KCNQ1: variants seen among roughly 807,000 people sequenced by gnomAD.
The protein encoded by KCNQ1 is potassium voltage-gated channel subfamily KQT member 1.
KCNQ1 carries 49 observed loss-of-function variants against 72.4 expected under a neutral mutation model. That is an observed-to-expected ratio of 0.68 (90% CI 0.54 to 0.86). The LOEUF (loss-of-function observed/expected upper bound fraction) is 0.86, where lower values mean the gene tolerates loss of function less well. Ranked by LOEUF, KCNQ1 falls within the 40% of genes least tolerant of loss-of-function variation. KCNQ1 has a pLI of 0.00. For synonymous variants in KCNQ1, 450 were observed against 412.6 expected (o/e 1.09, Z -1.10); for missense variants, 790 against 945.1 (o/e 0.84, Z 2.15).
Position 2,569,661 on chromosome 11 carries a change from G to A in KCNQ1, c.478-967G>A, listed in dbSNP as rs1034160329. On this transcript the variant is annotated intron_variant, in intron 2 of 15. Transcript: ENST00000155840. ...CCAGCCCCACACACCTTCCCCAAGGGCCTCCCGTACACCCCGGCTGCCTGG... is the reference window on the plus strand; with the variant it reads ...CCAGCCCCACACACCTTCCCCAAGGACCTCCCGTACACCCCGGCTGCCTGG... 3.3e-5 allele frequency among the ~76,000 whole-genome samples: 5 copies of A among 152,224 alleles called. No homozygotes were observed. The East Asian group carries it at 5.8e-4, about 18-fold the overall frequency.
rs1339600793 is a variant in KCNQ1, at chr11:2,785,812, G to T, written c.1794+7775G>T. Among the ~76,000 whole-genome samples the T allele has an allele frequency of 6.6e-6, 1 of 151,796 alleles. No homozygotes were observed. The highest frequency in any genetic ancestry group is 1.9e-4 in the East Asian group (1 of 5,188). On this transcript the variant is annotated intron_variant, in intron 15 of 15. Coordinates refer to ENST00000155840, the MANE Select transcript of KCNQ1 (RefSeq NM_000218.3). The surrounding 1 kb of genome is among the most constrained non-coding windows in gnomAD (Gnocchi z 4.4). ...GTTATGTATTCTACTACCATCCTTG[G>T]AAAGGTTAACCTAGAACATTTTAAA...
In KCNQ1 at chr11:2,674,388, C is replaced by T. The variant is rs1189793955; in HGVS notation, c.1514+12307C>T. 4 of 363,638 alleles carry T rather than the reference C, an allele frequency of 1.1e-5. No homozygotes were observed. Among genetic ancestry groups the T allele is most frequent in the Non-Finnish European group, 1.9e-5 (4 of 205,760 alleles). 22.5% of individuals were successfully genotyped at this position (363,638 alleles called of 1,614,324 possible). A position where few individuals can be genotyped will look rare whatever the true frequency, so the allele number is the denominator to read the frequency against. ...AGCAGCTTCCTGCTTAGGGAAGGTGCATGCGTGCGTGTGTGTGTGCGCGCC... is the reference window on the plus strand; with the variant it reads ...AGCAGCTTCCTGCTTAGGGAAGGTGTATGCGTGCGTGTGTGTGTGCGCGCC... On this transcript the variant is annotated intron_variant, in intron 11 of 15. Transcript: ENST00000155840. The surrounding 1 kb of genome is among the most constrained non-coding windows in gnomAD (Gnocchi z 5.9).
intron 8 of KCNQ1, among the ~76,000 whole-genome samples, chr11:2,586,409 G>A (rs1273510182): frequency 6.6e-6 from 1 of 152,182 alleles, no homozygotes; most frequent in Non-Finnish European, 1.5e-5. Flanking sequence ...CATAAATCAG[G>A]CCCGTAAACC....
rs1210177727 is a variant in KCNQ1 at position 2,599,770 on chromosome 11, A to G, written c.1393+10916A>G. ...ACCCTGGTGTTTCTCTGTGTGTCCA[A>G]ATATCCTTTTCTTTAAGGGCACCAG... On this transcript the variant is annotated intron_variant, in intron 10 of 15. Transcript: ENST00000155840. This position sits in a 1 kb window ranked among gnomAD's most constrained non-coding sequence, Gnocchi z 4.7. Among the ~76,000 whole-genome samples, 3 of 152,182 alleles carry G rather than the reference A, an allele frequency of 2.0e-5. No individual in the cohort carries two copies. Among genetic ancestry groups the G allele is most frequent in the African/African-American group, 7.2e-5 (3 of 41,520 alleles).
At chr11:2,778,215 G>A (rs1014827966) in intron 15 of KCNQ1, among the ~76,000 whole-genome samples, 178 bp downstream of exon 15, 37 of 152,212 alleles carry the variant, frequency 2.4e-4, no homozygotes, top group African/African-American at 8.4e-4. Context: ...CCCACCTGGC[G>A]GGGCATTGGT....
chr11:2,731,114 G>T (rs1201026302), intron 11 of KCNQ1, among the ~76,000 whole-genome samples: 1 of 152,214 alleles, frequency 6.6e-6, no homozygotes, highest in East Asian at 1.9e-4. Context: ...GGGCAGCCAG[G>T]CACCTCTGTT....
rs983887525 is a variant in KCNQ1 at position 2,772,208 on chromosome 11, C to T, written c.1590+3289C>T. Among the ~76,000 whole-genome samples, 4 of 152,056 alleles carry T rather than the reference C, an allele frequency of 2.6e-5. No individual in the cohort carries two copies. The highest frequency in any genetic ancestry group is 4.8e-5 in the African/African-American group (2 of 41,484). ...CTCTCAGGATGCTTCCCTTCCTCGA[C>T]GCCTGCCTGTCTGCTTGCTTGCACC... On this transcript the variant is annotated intron_variant, in intron 12 of 15. Coordinates refer to ENST00000155840, the MANE Select transcript of KCNQ1 (RefSeq NM_000218.3). This position sits in a 1 kb window ranked among gnomAD's most constrained non-coding sequence, Gnocchi z 6.6.
chr11:2,820,692 T>C (rs1280702763), intron 15 of KCNQ1, among the ~76,000 whole-genome samples: 1 of 152,214 alleles, frequency 6.6e-6, no homozygotes, highest in Non-Finnish European at 1.5e-5. Flanking sequence ...TCATTTGTTT[T>C]TCCTGCCCCA....
intron 14 of KCNQ1, 84 bp downstream of exon 14, chr11:2,777,116 T>G (rs2077184554): frequency 7.4e-7 from 1 of 1,360,298 alleles, no homozygotes; most frequent in Non-Finnish European, 1.0e-6. Context: ...CTCCCCATGA[T>G]GTCAGAATGG....
intron 11 of KCNQ1, chr11:2,688,327 A>G: frequency 2.5e-6 from 1 of 398,820 alleles, no homozygotes; most frequent in Non-Finnish European, 4.4e-6. Context: ...TCACACACAC[A>G]GCTTCCATGG....
chr11:2,756,446 A>T (rs1420918981), intron 11 of KCNQ1, among the ~76,000 whole-genome samples: 1 of 138,928 alleles, frequency 7.2e-6, no homozygotes, highest in African/African-American at 2.9e-5. Context: ...AAAATTAAAA[A>T]AAAAAAAAAA....
intron 10 of KCNQ1, chr11:2,633,122 A>G (rs936993781): frequency 2.3e-5 from 9 of 398,394 alleles, no homozygotes; most frequent in African/African-American, 1.9e-4. Context: ...CTGAGGTGAA[A>G]TAATGTCTCA....
chr11:2,728,910 A>G (rs1243733975), intron 11 of KCNQ1, among the ~76,000 whole-genome samples: 1 of 152,260 alleles, frequency 6.6e-6, no homozygotes, highest in African/African-American at 2.4e-5. Flanking sequence ...TGAAGTCCCC[A>G]GAAGTGTTTG....
Position 2,468,304 on chromosome 11 carries a change from G to A in KCNQ1, c.386+22820G>A, listed in dbSNP as rs916207373. On this transcript the variant is annotated intron_variant, in intron 1 of 15. Coordinates refer to ENST00000155840, the MANE Select transcript of KCNQ1 (RefSeq NM_000218.3). The surrounding 1 kb of genome is among the most constrained non-coding windows in gnomAD (Gnocchi z 5.7). ...TGGGACTACAGATGCACACCACCAC[G>A]CCTGGCTAATTTTTGTATTTTTTGT... 7.9e-5 allele frequency among the ~76,000 whole-genome samples: 12 copies of A among 152,050 alleles called. No individual in the cohort carries two copies. In the South Asian group the frequency reaches 1.0e-3, roughly 13 times the overall value.
intron 10 of KCNQ1, among the ~76,000 whole-genome samples, chr11:2,605,434 TTA>T (rs1473477773): frequency 6.6e-6 from 1 of 152,240 alleles, no homozygotes; most frequent in Admixed American, 6.5e-5. Context: ...TGTTACGTAT[TTA>T]TGTCTTTGAT....
chr11:2,678,471 T>C lies in KCNQ1; in HGVS notation c.1514+16390T>C. ...AATTTCAACTGCTACCTTTATCATA[T>C]TTCAAACTCTCATTTAATTTGTGTC... On this transcript the variant is annotated intron_variant, in intron 11 of 15. Transcript: ENST00000155840. This position sits in a 1 kb window ranked among gnomAD's most constrained non-coding sequence, Gnocchi z 4.9. 1.0e-5 allele frequency: 4 copies of C among 398,654 alleles called. No individual in the cohort carries two copies. The East Asian group carries it at 1.1e-4, about 11-fold the overall frequency. The allele number at this position is 398,654 out of a possible 1,614,324, so 24.7% of individuals were successfully genotyped here. A position where few individuals can be genotyped will look rare whatever the true frequency, so the allele number is the denominator to read the frequency against.
At chr11:2,722,646 C>T (rs1381634905) in intron 11 of KCNQ1, among the ~76,000 whole-genome samples, 2 of 152,072 alleles carry the variant, frequency 1.3e-5, no homozygotes, top group Non-Finnish European at 2.9e-5. Context: ...TAGCCAGGGT[C>T]GGCAGTGGCG....
intron 15 of KCNQ1, among the ~76,000 whole-genome samples, chr11:2,846,251 C>T (rs760967479): frequency 2.6e-5 from 4 of 152,208 alleles, no homozygotes; most frequent in Non-Finnish European, 4.4e-5. Context: ...CAGTGGTTGA[C>T]GTTGCTGTGG....
intron 11 of KCNQ1, among the ~76,000 whole-genome samples, chr11:2,751,683 G>A (rs1846228865): frequency 6.6e-6 from 1 of 152,260 alleles, no homozygotes; most frequent in African/African-American, 2.4e-5. Flanking sequence ...GGTGAGCGTA[G>A]CGTTACCATG....
Sources: allele counts gnomAD v4.1 joint callset (sites outside exome capture counted in the v4.1 genomes callset), GRCh38; gene constraint gnomAD v4.1.1; non-coding constraint Gnocchi (gnomAD v3.1); transcripts MANE v1.5; gene names NCBI Gene and HGNC (gene_info 2026-07-23, HGNC 2026-07-21).